Variants in PTPRK observed in about 807,000 individuals in gnomAD.
PTPRK encodes the protein protein tyrosine phosphatase receptor type K.
PTPRK carries 75 observed loss-of-function variants against 178.0 expected under a neutral mutation model. That is an observed-to-expected ratio of 0.42 (90% CI 0.35 to 0.51). The LOEUF (loss-of-function observed/expected upper bound fraction) is 0.51, where lower values mean the gene tolerates loss of function less well. Among genes scored for constraint, PTPRK ranks in the 20% least tolerant of loss-of-function variants. The probability of loss-of-function intolerance (pLI) is 0.02; values close to 1 mark genes in which losing one functional copy is unlikely to be tolerated. For synonymous variants in PTPRK, 637 were observed against 620.6 expected, an observed-to-expected ratio of 1.03 and a Z score of -0.39; for missense variants, 1,441 against 1,797.8, an observed-to-expected ratio of 0.80 and a Z score of 3.59.
chr6:128,218,427 G>A (rs954928746), intron 6 of PTPRK, among the ~76,000 whole-genome samples: 1 of 152,178 alleles, frequency 6.6e-6, no homozygotes, highest in African/African-American at 2.4e-5. Context: ...AGTGAGGACT[G>A]TTTGGTAGTT....
At chr6:128,504,926 A>G (rs1436136079) in intron 1 of PTPRK, among the ~76,000 whole-genome samples, 1 of 152,112 alleles carries the variant, frequency 6.6e-6, no homozygotes, top group Non-Finnish European at 1.5e-5. Flanking sequence ...TTTCCAAATA[A>G]TAAGTGAGTC....
In PTPRK at chr6:127,976,667, T is replaced by C. The variant is rs763776391; in HGVS notation, c.3959A>G (p.Asn1320Ser). 2.5e-6 allele frequency: 4 copies of C among 1,613,958 alleles called. No homozygotes were observed. Among genetic ancestry groups the C allele is most frequent in the African/African-American group, 2.7e-5 (2 of 74,916 alleles). The change falls in exon 27 of 30, where the codon AAT (asparagine) becomes AGT (serine). Residue 1320 changes from asparagine (N) to serine (S), a missense_variant. Physicochemically the swap from Asn to Ser is conservative, Grantham distance 46. Around this residue, in one of 4 missense-constraint regions of PTPRK, gnomAD observed 335 missense variants for 512.4 expected, o/e 0.65. Transcript: ENST00000368226. ...CCGATAGTGACTTACTCTTGTTAGA[T>C]TGCATATCCTAAAAATCCGGTTGAT... The part of the protein sequence containing the change: ...DVINRIFRIC[N>S]LTRPQEGYLM...
intron 7 of PTPRK, among the ~76,000 whole-genome samples, chr6:128,121,672 C>G (rs1040698830): frequency 2.6e-5 from 4 of 152,012 alleles, no homozygotes; most frequent in African/African-American, 9.7e-5. Flanking sequence ...TAAGTCAAAA[C>G]AGCTGCTTCC....
chr6:128,342,522 T>C (rs1831807717), intron 2 of PTPRK, among the ~76,000 whole-genome samples: 1 of 152,026 alleles, frequency 6.6e-6, no homozygotes, highest in Admixed American at 6.5e-5. Context: ...TACTGGTTAT[T>C]TATCTCAGTA....
intron 2 of PTPRK, among the ~76,000 whole-genome samples, chr6:128,365,528 A>AGGT (rs926593069): frequency 6.6e-6 from 1 of 152,114 alleles, no homozygotes; most frequent in African/African-American, 2.4e-5. Context: ...TATGAAGTGG[A>AGGT]GGTGGTATTA....
intron 7 of PTPRK, among the ~76,000 whole-genome samples, chr6:128,148,038 T>A (rs2114543234): frequency 6.6e-6 from 1 of 152,046 alleles, no homozygotes; most frequent in East Asian, 1.9e-4. Flanking sequence ...TGAGCTAAGA[T>A]AAGGCTGCCA....
At chr6:128,194,365 C>T (rs1161128356) in intron 6 of PTPRK, among the ~76,000 whole-genome samples, 1 of 152,052 alleles carries the variant, frequency 6.6e-6, no homozygotes, top group Non-Finnish European at 1.5e-5. Context: ...GGATTACAGG[C>T]GTGAGCCACC....
intron 2 of PTPRK, among the ~76,000 whole-genome samples, chr6:128,397,287 T>C (rs1840440835): frequency 6.6e-6 from 1 of 152,206 alleles, no homozygotes. Context: ...TTATTCTGTT[T>C]TTTCTTTTAT....
intron 7 of PTPRK, among the ~76,000 whole-genome samples, chr6:128,149,082 T>G (rs559006978): frequency 2.0e-5 from 3 of 148,018 alleles, no homozygotes; most frequent in African/African-American, 7.5e-5. Context: ...CTTGATATAA[T>G]GGTGTAGACT....
At chr6:128,017,800 G>GTATA (rs1383976165) in intron 13 of PTPRK, among the ~76,000 whole-genome samples, 7 of 30,054 alleles carry the variant, frequency 2.3e-4, no homozygotes, top group South Asian at 1.4e-3. Flanking sequence ...AAATATATAT[G>GTATA]TGTATATATA....
chr6:128,104,069 T>C (rs1467905808), intron 7 of PTPRK, among the ~76,000 whole-genome samples: 1 of 152,240 alleles, frequency 6.6e-6, no homozygotes, highest in South Asian at 2.1e-4. Context: ...CTACCAGATA[T>C]TCATGTGTCT....
In PTPRK at chr6:128,166,452, A is replaced by T. The variant is rs4557544; in HGVS notation, c.1162+17980T>A. ...TGTTTCTGCAAATGTAAAATATAAC[A>T]ACATCAGGACTCCTCAGGGTCATTG... On this transcript the variant is annotated intron_variant, in intron 7 of 29. Transcript: ENST00000368226. Among the ~76,000 whole-genome samples the T allele has an allele frequency of 0.028, 4,231 of 151,794 alleles. 349 individuals are homozygous for T. In the East Asian group the frequency reaches 0.33, roughly 12 times the overall value.
chr6:128,275,624 G>A (rs536226932), intron 3 of PTPRK, among the ~76,000 whole-genome samples: 4 of 152,096 alleles, frequency 2.6e-5, no homozygotes, highest in Admixed American at 1.3e-4. Flanking sequence ...CTTAATGTTC[G>A]TATTTGGGAA....
chr6:128,513,493 A>AAAAAGAAAGAAAGAAAGAAAG (rs796327188), intron 1 of PTPRK, among the ~76,000 whole-genome samples: 278 of 150,302 alleles, frequency 1.8e-3, no homozygotes, highest in African/African-American at 6.3e-3. Flanking sequence ...CAAAAAAAAA[A>AAAAAGAAAGAAAGAAAGAAAG]AAAGAAAGAA....
chr6:128,098,741 T>C (rs540959145), intron 7 of PTPRK, among the ~76,000 whole-genome samples: 1 of 152,320 alleles, frequency 6.6e-6, no homozygotes, highest in African/African-American at 2.4e-5. Context: ...TACAGTAATT[T>C]AAGAATTGCA....
chr6:128,181,706 T>C (rs949177447), intron 7 of PTPRK, among the ~76,000 whole-genome samples: 1 of 152,156 alleles, frequency 6.6e-6, no homozygotes, highest in Non-Finnish European at 1.5e-5. Context: ...TATGAACTTC[T>C]GGGCTGAGGC....
At chr6:128,006,039 A>G in intron 14 of PTPRK, 1 of 1,571,946 alleles carries the variant, frequency 6.4e-7, no homozygotes, top group Non-Finnish European at 8.7e-7. Flanking sequence ...TAGTAGGAGT[A>G]AGAATAGTAG....
chr6:128,009,298 T>C (rs1778796055), intron 13 of PTPRK, 30 bp from the exon 14 acceptor site: 1 of 1,586,866 alleles, frequency 6.3e-7, no homozygotes, highest in African/African-American at 1.4e-5. Context: ...AATCAGTTAC[T>C]GAAAGAAGCT....
rs1383884362 is a variant in PTPRK at position 128,341,678 on chromosome 6, T to C, written c.224-19368A>G. ...AACTTGATGCTAGGAAAGGCTTTCC[T>C]GCCATTAAAAAAGTAAAGTGAAAAT... On this transcript the variant is annotated intron_variant, in intron 2 of 29. Transcript: ENST00000368226. Among the ~76,000 whole-genome samples the C allele has an allele frequency of 3.9e-5, 6 of 152,340 alleles. No individual in the cohort carries two copies. In the East Asian group the frequency reaches 1.2e-3, roughly 29 times the overall value.
Sources: gnomAD v4.1 joint callset for allele counts (sites outside exome capture counted in the v4.1 genomes callset) on GRCh38, gnomAD v4.1.1 for gene constraint, gnomAD v4.1.1 regional missense constraint, MANE v1.5 for transcripts, NCBI Gene and HGNC (gene_info 2026-07-23, HGNC 2026-07-21) for gene names.